The following UNC13B variants were observed in gnomAD, a reference collection of about 807,000 sequenced individuals.
UNC13B encodes unc-13 homolog B.
In UNC13B, 144 loss-of-function variants were observed where a neutral mutation model predicts 211.0. That is an observed-to-expected ratio of 0.68 (90% confidence interval 0.60 to 0.78). The LOEUF (loss-of-function observed/expected upper bound fraction) is 0.78. Among genes scored for constraint, UNC13B ranks in the 30% least tolerant of loss-of-function variants. The pLI, the probability that UNC13B is intolerant of heterozygous loss-of-function variation, is 0.00. For synonymous variants in UNC13B, 709 were observed against 725.8 expected (o/e 0.98, Z 0.37); for missense variants, 1,777 against 2,002.0 (o/e 0.89, Z 2.14).
intron 1 of UNC13B, among the ~76,000 whole-genome samples, chr9:35,173,270 G>C (rs1239347704): frequency 2.6e-5 from 4 of 152,106 alleles, no homozygotes; most frequent in Non-Finnish European, 5.9e-5. Context: ...CAAAAGGATA[G>C]AGGAAATCTG....
At chr9:35,248,682 C>A (rs756829372) in intron 6 of UNC13B, among the ~76,000 whole-genome samples, 2 of 152,058 alleles carry the variant, frequency 1.3e-5, no homozygotes, top group Non-Finnish European at 2.9e-5. Context: ...GAGTTTATTA[C>A]TCCTGAGTTC....
intron 38 of UNC13B, 82 bp downstream of exon 38, chr9:35,403,341 G>A (rs1233231764): frequency 3.1e-6 from 5 of 1,603,084 alleles, no homozygotes; most frequent in Non-Finnish European, 3.4e-6. Flanking sequence ...GCTCATCCCA[G>A]CCCTCCAGCT....
At chr9:35,326,455 T>A (rs1243902619) in intron 11 of UNC13B, among the ~76,000 whole-genome samples, 1 of 152,226 alleles carries the variant, frequency 6.6e-6, no homozygotes, top group Non-Finnish European at 1.5e-5. Flanking sequence ...TGGAATGCAG[T>A]GGTTCACTGC....
At chr9:35,237,875 A>G in intron 5 of UNC13B, 49 bp downstream of exon 5, 1 of 1,550,980 alleles carries the variant, frequency 6.4e-7, no homozygotes, top group Non-Finnish European at 8.7e-7. Flanking sequence ...TATTGTTTGG[A>G]ATTGTTTGCT....
At position 35,398,882 on chromosome 9, in the gene UNC13B, T is replaced by A. The variant is rs757480841; in HGVS notation, c.11922T>A (p.Ser3974Arg). The change falls in exon 33 of 40, where the codon AGT (serine) becomes AGA (arginine). Residue 3974 changes from serine (S) to arginine (R), a missense_variant and splice_region_variant. Coordinates refer to ENST00000635942, the MANE Select transcript of UNC13B (RefSeq NM_001371189.2). ...LDELSMVFGN[S>R]FQVRIDECVR... is the part of the protein sequence containing the mutation. ...GGCTACACTGCGGGCACATGTGTAG[T>A]TTCCAGGTACGGATTGATGAGTGTG... The A allele has an allele frequency of 1.2e-6, 2 of 1,613,118 alleles. No individual in the cohort carries two copies. Among genetic ancestry groups the A allele is most frequent in the East Asian group, 4.5e-5 (2 of 44,834 alleles).
intron 11 of UNC13B, among the ~76,000 whole-genome samples, chr9:35,349,043 G>A (rs1832550504): frequency 6.6e-6 from 1 of 151,910 alleles, no homozygotes; most frequent in Non-Finnish European, 1.5e-5. Context: ...TCAGCCTCCC[G>A]AGTAGCTGGG....
At chr9:35,364,714 A>G (rs1240887943) in intron 11 of UNC13B, 1 of 981,166 alleles carries the variant, frequency 1.0e-6, no homozygotes, top group Admixed American at 2.8e-5. Flanking sequence ...TGGCTCATGC[A>G]GTCTATTTTT....
At chr9:35,244,237 A>T (rs760959962) in intron 6 of UNC13B, among the ~76,000 whole-genome samples, 10 of 152,140 alleles carry the variant, frequency 6.6e-5, no homozygotes, top group Non-Finnish European at 1.0e-4. Flanking sequence ...TGGAACAAAG[A>T]AAAAAAGAGA....
At chr9:35,322,584 G>A (rs1465010843) in intron 11 of UNC13B, among the ~76,000 whole-genome samples, 1 of 152,108 alleles carries the variant, frequency 6.6e-6, no homozygotes, top group Non-Finnish European at 1.5e-5. Context: ...TCTTAGGGGC[G>A]ATCATTAAGA....
At chr9:35,176,187 TAGTG>T (rs79825777) in intron 1 of UNC13B, among the ~76,000 whole-genome samples, 123,946 of 151,664 alleles carry the variant, frequency 0.82, 50,917 homozygotes, top group East Asian at 0.98. Flanking sequence ...TATCAGCTGA[TAGTG>T]AGGTGGTGGG....
chr9:35,403,126 C>G (rs1290676033), intron 37 of UNC13B, 41 bp from the exon 38 acceptor site: 6 of 1,599,952 alleles, frequency 3.8e-6, no homozygotes, highest in Non-Finnish European at 5.1e-6. Flanking sequence ...TTACCTCCTA[C>G]AGTTCTCCAA....
At chr9:35,197,135 T>G (rs926705934) in intron 1 of UNC13B, among the ~76,000 whole-genome samples, 1 of 152,214 alleles carries the variant, frequency 6.6e-6, no homozygotes, top group Non-Finnish European at 1.5e-5. Flanking sequence ...TCTGGTATTT[T>G]TTAACAGTCT....
At chr9:35,392,173 A>G (rs1014944035) in intron 26 of UNC13B, among the ~76,000 whole-genome samples, 1 of 152,218 alleles carries the variant, frequency 6.6e-6, no homozygotes, top group Non-Finnish European at 1.5e-5. Context: ...TGTATTTAGC[A>G]TACTGCCTGG....
chr9:35,218,023 A>G (rs912300930), intron 1 of UNC13B, among the ~76,000 whole-genome samples: 2 of 152,120 alleles, frequency 1.3e-5, no homozygotes, highest in African/African-American at 4.8e-5. Flanking sequence ...AACCCTCAAA[A>G]AAAAAAGATT....
chr9:35,217,401 T>G (rs1233591499), intron 1 of UNC13B, among the ~76,000 whole-genome samples: 2 of 151,440 alleles, frequency 1.3e-5, no homozygotes, highest in Non-Finnish European at 3.0e-5. Flanking sequence ...TTTTTGTTTT[T>G]TTTTTTTTTG....
rs1441079794 is a variant in UNC13B, at chr9:35,308,406, A to G, written c.9002A>G (p.Asn3001Ser). Residue 3001 changes from asparagine (N) to serine (S), a missense_variant, in exon 9 of 40, where the codon AAC becomes AGC. Coordinates refer to ENST00000635942, the MANE Select transcript of UNC13B (RefSeq NM_001371189.2). ...TLNDIKEPMT[N>S]KSPTSSSRYG... ...AATGACATCAAGGAGCCCATGACCAACAAAAGGCCTGTTCTTAACTCAAGC... is the reference window on the plus strand; with the variant it reads ...AATGACATCAAGGAGCCCATGACCAGCAAAAGGCCTGTTCTTAACTCAAGC... 1 of 398,896 alleles carries G rather than the reference A, an allele frequency of 2.5e-6. No individual in the cohort carries two copies. Among genetic ancestry groups the G allele is most frequent in the African/African-American group, 2.1e-5 (1 of 48,648 alleles). The allele number at this position is 398,896 out of a possible 1,614,324, so 24.7% of individuals were successfully genotyped here.
At chr9:35,201,513 G>A (rs561211568) in intron 1 of UNC13B, among the ~76,000 whole-genome samples, 2 of 152,234 alleles carry the variant, frequency 1.3e-5, no homozygotes, top group Non-Finnish European at 2.9e-5. Context: ...CAATTTCAGA[G>A]CCTGTTATTG....
At chr9:35,288,194 A>G (rs1238694957) in intron 7 of UNC13B, among the ~76,000 whole-genome samples, 1 of 151,434 alleles carries the variant, frequency 6.6e-6, no homozygotes, top group Non-Finnish European at 1.5e-5. Context: ...CCTATGAATC[A>G]CCAGTCCTTT....
At chr9:35,187,388 T>C (rs1261223264) in intron 1 of UNC13B, among the ~76,000 whole-genome samples, 3 of 152,226 alleles carry the variant, frequency 2.0e-5, no homozygotes, top group Non-Finnish European at 4.4e-5. Context: ...AGATCACCAC[T>C]TGATTCACAG....
Sources: allele counts gnomAD v4.1 joint callset (sites outside exome capture counted in the v4.1 genomes callset), GRCh38; gene constraint gnomAD v4.1.1; transcripts MANE v1.5; gene names NCBI Gene and HGNC (gene_info 2026-07-23, HGNC 2026-07-21).